Variants in ATP6V1G1 observed in about 807,000 individuals in gnomAD.
ATP6V1G1 encodes the protein ATPase H+ transporting V1 subunit G1, also known as V-type proton ATPase subunit G 1.
ATP6V1G1 carries 14 observed loss-of-function variants against 14.2 expected under a neutral mutation model. The ratio of observed to expected loss-of-function variants is 0.99; its 90% confidence interval spans 0.65 to 1.55. The LOEUF is 1.55. ATP6V1G1 is among the 40% of genes most tolerant of loss of function. The probability of loss-of-function intolerance (pLI) is 0.00; values close to 1 mark genes in which losing one functional copy is unlikely to be tolerated. For synonymous variants in ATP6V1G1, 65 were observed against 53.3 expected (o/e 1.22, Z -0.96); for missense variants, 137 against 146.4 (o/e 0.94, Z 0.33).
At chr9:114,592,848 T>A (rs1589313127) in intron 2 of ATP6V1G1, among the ~76,000 whole-genome samples, 196 bp downstream of exon 2, 1 of 152,352 alleles carries the variant, frequency 6.6e-6, no homozygotes, top group East Asian at 1.9e-4. Context: ...TAATTTTCAT[T>A]TATTCACTCA....
intron 2 of ATP6V1G1, among the ~76,000 whole-genome samples, chr9:114,594,952 C>T (rs1430804001): frequency 1.3e-5 from 2 of 150,078 alleles, no homozygotes; most frequent in African/African-American, 4.9e-5. Context: ...CCCCACCTCC[C>T]AGGTTCAAGT....
chr9:114,597,759 G>C lies in ATP6V1G1; in HGVS notation c.*16G>C, dbSNP rs768755489. ...AAATGGATAGAAGAGAGAAGCACCT[G>C]TGCTGTGGAGTGGCATTTTAGATGC... On this transcript the variant is annotated 3_prime_UTR_variant, in exon 3 of 3. Transcript: ENST00000374050. 6.6e-7 allele frequency: 1 copy of C among 1,514,728 alleles called. No individual in the cohort carries two copies. Among genetic ancestry groups the C allele is most frequent in the Admixed American group, 2.5e-5 (1 of 40,548 alleles). The allele number at this position is 1,514,728 out of a possible 1,614,324, so 93.8% of individuals were successfully genotyped here.
chr9:114,587,971 G>A (rs751333668), intron 1 of ATP6V1G1, 51 bp downstream of exon 1: 23 of 1,543,778 alleles, frequency 1.5e-5, no homozygotes, highest in East Asian at 2.4e-5. Flanking sequence ...AAGAAAGACC[G>A]CTGGGCCTCA....
rs1454692989 is a variant in ATP6V1G1, at chr9:114,587,794, G to A, written c.-45G>A. On this transcript the variant is annotated 5_prime_UTR_variant, in exon 1 of 3. Transcript: ENST00000374050. ...GTGTCAGCTGACCCAAGGGGCCTTC[G>A]AGGTGCCTTAGGCCGCTTGCCTTGC... 6.4e-7 allele frequency: 1 copy of A among 1,550,812 alleles called. No homozygotes were observed. The highest frequency in any genetic ancestry group is 1.4e-5 in the African/African-American group (1 of 73,498).
At chr9:114,596,986 CTTTTTTTTTTTT>C (rs71367785) in intron 2 of ATP6V1G1, among the ~76,000 whole-genome samples, 2 of 104,584 alleles carry the variant, frequency 1.9e-5, no homozygotes, top group Admixed American at 2.1e-4. Context: ...ATAGCAGATT[CTTTTTTTTTTTT>C]TTTTTTTTTT....
intron 2 of ATP6V1G1, among the ~76,000 whole-genome samples, chr9:114,596,979 GCAGATT>G (rs1354088690): frequency 1.4e-5 from 2 of 147,264 alleles, no homozygotes; most frequent in Non-Finnish European, 3.0e-5. Context: ...AGGCTATATA[GCAGATT>G]CTTTTTTTTT....
At position 114,587,778 on chromosome 9, in the gene ATP6V1G1, G is replaced by T; in HGVS notation, c.-61G>T. 1.3e-6 allele frequency: 2 copies of T among 1,518,778 alleles called. No individual in the cohort carries two copies. The highest frequency in any genetic ancestry group is 2.4e-5 in the South Asian group (2 of 82,712). The allele number at this position is 1,518,778 out of a possible 1,614,324, so 94.1% of individuals were successfully genotyped here. ...CAGATTGTGGGCGGCTGTGTCAGCT[G>T]ACCCAAGGGGCCTTCGAGGTGCCTT... On this transcript the variant is annotated 5_prime_UTR_variant, in exon 1 of 3. Coordinates refer to ENST00000374050, the MANE Select transcript of ATP6V1G1 (RefSeq NM_004888.4).
Position 114,587,885 on chromosome 9 carries a change from A to G in ATP6V1G1, c.47A>G (p.Lys16Arg), listed in dbSNP as rs781231977. Residue 16 changes from lysine (K) to arginine (R), a missense_variant, in exon 1 of 3, where the codon AAG becomes AGG. Transcript: ENST00000374050. Reference sequence around the variant, plus strand: ...ATTCAGCAGCTGCTGCAGGCCGAGAAGCGGGCAGCCGAGAAGGTGTCCGAG... The same window carrying G: ...ATTCAGCAGCTGCTGCAGGCCGAGAGGCGGGCAGCCGAGAAGGTGTCCGAG... Reference protein sequence around the residue: ...QGIQQLLQAEKRAAEKVSEAR... With the variant: ...QGIQQLLQAERRAAEKVSEAR... The G allele has an allele frequency of 1.0e-4, 159 of 1,591,830 alleles. No homozygotes were observed. Among genetic ancestry groups the G allele is most frequent in the Non-Finnish European group, 1.3e-4 (154 of 1,169,896 alleles).
chr9:114,591,929 C>T (rs1386919361), intron 1 of ATP6V1G1, among the ~76,000 whole-genome samples: 1 of 152,070 alleles, frequency 6.6e-6, no homozygotes, highest in Non-Finnish European at 1.5e-5. Context: ...TATGTTAAGC[C>T]ACTCACTTCT....
rs1172844289 is a variant in ATP6V1G1, at chr9:114,597,242, G to A, written c.184-328G>A. On this transcript the variant is annotated intron_variant, in intron 2 of 2. Coordinates refer to ENST00000374050, the MANE Select transcript of ATP6V1G1 (RefSeq NM_004888.4). ...CCTGACCTCGTGATCCGCCCGCCTC[G>A]GCCTCCCAAAGTGCTGGGATTACAG... Among the ~76,000 whole-genome samples, 6 of 151,986 alleles carry A rather than the reference G, an allele frequency of 3.9e-5. No individual in the cohort carries two copies. The East Asian group carries it at 5.8e-4, about 15-fold the overall frequency.
intron 2 of ATP6V1G1, among the ~76,000 whole-genome samples, chr9:114,595,899 A>G (rs1473253872): frequency 6.6e-6 from 1 of 152,170 alleles, no homozygotes; most frequent in Admixed American, 6.5e-5. Flanking sequence ...TAGCATATAT[A>G]TATATGTATA....
chr9:114,595,576 C>T (rs907110338), intron 2 of ATP6V1G1, among the ~76,000 whole-genome samples: 2 of 152,138 alleles, frequency 1.3e-5, no homozygotes, highest in African/African-American at 4.8e-5. Flanking sequence ...ATGGCTTGAG[C>T]CCAGGAGGTG....
At chr9:114,590,207 AAAAAAAC>A (rs967723902) in intron 1 of ATP6V1G1, among the ~76,000 whole-genome samples, 1 of 151,468 alleles carries the variant, frequency 6.6e-6, no homozygotes, top group East Asian at 1.9e-4. Flanking sequence ...TCAAAAAAAA[AAAAAAAC>A]AAAAAACAAA....
rs1287043583 is a variant in ATP6V1G1 at position 114,598,363 on chromosome 9, T to A, written c.*620T>A. 6.6e-6 allele frequency: 1 copy of A among 152,544 alleles called. No homozygotes were observed. Among genetic ancestry groups the A allele is most frequent in the Admixed American group, 6.6e-5 (1 of 15,258 alleles). The allele number at this position is 152,544 out of a possible 1,614,324, so 9.4% of individuals were successfully genotyped here. A position where few individuals can be genotyped will look rare whatever the true frequency, so the allele number is the denominator to read the frequency against. ...TCGATAATCATTTAAAAGTAAAGAC[T>A]CTGTCATGCATTTTTCCCCATTCTT... On this transcript the variant is annotated 3_prime_UTR_variant, in exon 3 of 3. Transcript: ENST00000374050.
At position 114,592,990 on chromosome 9, in the gene ATP6V1G1, C is replaced by T. The variant is rs1380598974; in HGVS notation, c.183+338C>T. On this transcript the variant is annotated intron_variant, in intron 2 of 2. Transcript: ENST00000374050. ...GCTTACCATCCAGTGGTCAGGGAGA[C>T]TCAGTAATACAGTGCAAATCATGCA... Among the ~76,000 whole-genome samples the T allele has an allele frequency of 2.0e-5, 3 of 152,178 alleles. No individual in the cohort carries two copies. The East Asian group carries it at 5.8e-4, about 29-fold the overall frequency.
At chr9:114,594,861 C>CTTTTTTTTTTTTTTTTTT (rs71997716) in intron 2 of ATP6V1G1, among the ~76,000 whole-genome samples, 1 of 110,580 alleles carries the variant, frequency 9.0e-6, no homozygotes, top group Non-Finnish European at 1.8e-5. Context: ...TTCTTTTTTT[C>CTTTTTTTTTTTTTTTTTT]TTTTTTTTTT....
At chr9:114,593,928 A>G (rs1845208759) in intron 2 of ATP6V1G1, among the ~76,000 whole-genome samples, 1 of 152,144 alleles carries the variant, frequency 6.6e-6, no homozygotes, top group African/African-American at 2.4e-5. Flanking sequence ...CTGTCTCTAC[A>G]AAAAAATAAG....
At chr9:114,594,260 G>C (rs556634235) in intron 2 of ATP6V1G1, among the ~76,000 whole-genome samples, 301 of 152,090 alleles carry the variant, frequency 2.0e-3, no homozygotes, top group Non-Finnish European at 3.5e-3. Context: ...GTAGAGATGG[G>C]GTTTCTCCTT....
rs747696591 is a variant in ATP6V1G1 at position 114,587,890 on chromosome 9, G to A, written c.52G>A (p.Ala18Thr). 6 of 1,590,142 alleles carry A rather than the reference G, an allele frequency of 3.8e-6. No individual in the cohort carries two copies. Among genetic ancestry groups the A allele is most frequent in the East Asian group, 4.6e-5 (2 of 43,886 alleles). Reference protein sequence around the residue: ...IQQLLQAEKRAAEKVSEARKR... With the variant: ...IQQLLQAEKRTAEKVSEARKR... ...GCAGCTGCTGCAGGCCGAGAAGCGGGCAGCCGAGAAGGTGTCCGAGGCCCG... is the reference window on the plus strand; with the variant it reads ...GCAGCTGCTGCAGGCCGAGAAGCGGACAGCCGAGAAGGTGTCCGAGGCCCG... The change falls in exon 1 of 3, where the codon GCA (alanine) becomes ACA (threonine). Residue 18 changes from alanine (A) to threonine (T), a missense_variant. Ala to Thr is a moderately conservative substitution (Grantham distance 58, BLOSUM62 0). Coordinates refer to ENST00000374050, the MANE Select transcript of ATP6V1G1 (RefSeq NM_004888.4).
Sources: gnomAD v4.1 joint callset for allele counts (sites outside exome capture counted in the v4.1 genomes callset) on GRCh38, gnomAD v4.1.1 for gene constraint, MANE v1.5 for transcripts, NCBI Gene and HGNC (gene_info 2026-07-23, HGNC 2026-07-21) for gene names.